The following SLC9D1 variants were observed in gnomAD, a reference collection of about 807,000 sequenced individuals.
SLC9D1 encodes the protein putative LAG1-interacting protein.
the SLC9D1 span, among the ~76,000 whole-genome samples, chr13:113,496,683 T>A: frequency 6.6e-6 from 1 of 152,212 alleles, no homozygotes; most frequent in Non-Finnish European, 1.5e-5. Context: ...GAAAAACCTG[T>A]GATATTATTA....
At chr13:113,541,623 C>T in the SLC9D1 span, among the ~76,000 whole-genome samples, 4 of 141,734 alleles carry the variant, frequency 2.8e-5, no homozygotes, top group Non-Finnish European at 6.1e-5. Context: ...GTGGATGATA[C>T]GCACACGATT....
chr13:113,545,808 G>A, the SLC9D1 span: 76 of 152,804 alleles, frequency 5.0e-4, no homozygotes, highest in African/African-American at 1.8e-3. Context: ...GGGCATCAGC[G>A]ACTGGCCGGG....
chr13:113,510,555 T>C, the SLC9D1 span: 22 of 795,108 alleles, frequency 2.8e-5, no homozygotes, highest in Non-Finnish European at 4.4e-5. Context: ...TTCCTAACCA[T>C]GGTGGATACC....
chr13:113,522,523 G>T, the SLC9D1 span, among the ~76,000 whole-genome samples: 1 of 152,124 alleles, frequency 6.6e-6, no homozygotes, highest in African/African-American at 2.4e-5. Flanking sequence ...TGTATTTTTA[G>T]TAGAGACGGG....
chr13:113,510,818 C>T, the SLC9D1 span, among the ~76,000 whole-genome samples: 1 of 152,230 alleles, frequency 6.6e-6, no homozygotes, highest in Non-Finnish European at 1.5e-5. Flanking sequence ...TACTTTCTTC[C>T]TGTGAAATCA....
chr13:113,527,889 G>A, the SLC9D1 span: 2 of 152,208 alleles, frequency 1.3e-5, no homozygotes, highest in Non-Finnish European at 2.9e-5. Context: ...AATTCTGTCT[G>A]TCCTCGGGGT....
chr13:113,522,860 G>C, the SLC9D1 span, among the ~76,000 whole-genome samples: 1 of 151,896 alleles, frequency 6.6e-6, no homozygotes, highest in Non-Finnish European at 1.5e-5. Flanking sequence ...TTGAACTCCC[G>C]ACATTGTGAT....
chr13:113,521,832 T>C, the SLC9D1 span, among the ~76,000 whole-genome samples: 2 of 152,274 alleles, frequency 1.3e-5, no homozygotes, highest in South Asian at 2.1e-4. Context: ...TAAAGTGGGA[T>C]AGGACTGTAA....
chr13:113,499,606 A>T, the SLC9D1 span, among the ~76,000 whole-genome samples: 1 of 152,212 alleles, frequency 6.6e-6, no homozygotes, highest in South Asian at 2.1e-4. Flanking sequence ...ACTCACAAAA[A>T]GGTTGGGTAA....
chr13:113,503,851 C>CT, the SLC9D1 span: 34 of 426,274 alleles, frequency 8.0e-5, no homozygotes, highest in Non-Finnish European at 1.3e-4. Flanking sequence ...TGTGTGTGAA[C>CT]TTTAATAGAT....
chr13:113,519,431 C>T, the SLC9D1 span, among the ~76,000 whole-genome samples: 1 of 149,374 alleles, frequency 6.7e-6, no homozygotes, highest in Non-Finnish European at 1.5e-5. Context: ...AGCATATTTA[C>T]AGAGTTCATA....
At chr13:113,500,057 C>A in the SLC9D1 span, 4 of 1,594,170 alleles carry the variant, frequency 2.5e-6, no homozygotes, top group African/African-American at 4.0e-5. Flanking sequence ...TGACTTGGGT[C>A]TTAGCATGCT....
the SLC9D1 span, among the ~76,000 whole-genome samples, chr13:113,543,049 C>T: frequency 7.4e-6 from 1 of 134,882 alleles, no homozygotes; most frequent in East Asian, 2.2e-4. Flanking sequence ...GTGTGTGACC[C>T]CCACCTCCTC....
At chr13:113,501,334 G>T in the SLC9D1 span, among the ~76,000 whole-genome samples, 2 of 152,174 alleles carry the variant, frequency 1.3e-5, no homozygotes, top group Non-Finnish European at 2.9e-5. Context: ...AATAAAATAT[G>T]ACATCAATTT....
the SLC9D1 span, chr13:113,495,441 A>T: frequency 1.7e-6 from 1 of 597,944 alleles, no homozygotes; most frequent in Non-Finnish European, 2.9e-6. Context: ...TGATTATTTA[A>T]TACTCTGATC....
the SLC9D1 span, chr13:113,504,637 C>T: frequency 1.3e-5 from 2 of 152,244 alleles, no homozygotes; most frequent in African/African-American, 4.8e-5. Context: ...GTCTCCAGTT[C>T]CATCCAGGTT....
At chr13:113,510,451 T>A in the SLC9D1 span, 1 of 1,596,234 alleles carries the variant, frequency 6.3e-7, no homozygotes, top group Non-Finnish European at 8.6e-7. Context: ...TCTGAGTGCG[T>A]GTCTAATTCA....
the SLC9D1 span, among the ~76,000 whole-genome samples, chr13:113,548,622 G>A: frequency 8.5e-5 from 13 of 152,256 alleles, no homozygotes; most frequent in Admixed American, 3.9e-4. Flanking sequence ...AGCATGTGGC[G>A]TTTTCAGAGG....
the SLC9D1 span, among the ~76,000 whole-genome samples, chr13:113,531,769 G>A: frequency 6.6e-6 from 1 of 152,248 alleles, no homozygotes; most frequent in African/African-American, 2.4e-5. Flanking sequence ...AACTTGTCAC[G>A]GTGATTGTCT....
Sources: gnomAD v4.1 joint callset for allele counts (sites outside exome capture counted in the v4.1 genomes callset) on GRCh38, gnomAD v4.1.1 for gene constraint, MANE v1.5 for transcripts, NCBI Gene and HGNC (gene_info 2026-07-23, HGNC 2026-07-21) for gene names.